The following KCNN3 variants were observed in gnomAD, a reference collection of about 807,000 sequenced individuals.
The protein encoded by KCNN3 is potassium calcium-activated channel subfamily N member 3.
KCNN3 carries 16 observed loss-of-function variants against 62.9 expected under a neutral mutation model. That is an observed-to-expected ratio of 0.25 (90% CI 0.17 to 0.39). The LOEUF is 0.39. Among genes scored for constraint, KCNN3 ranks in the 10% least tolerant of loss-of-function variants. The pLI, the probability that KCNN3 is intolerant of heterozygous loss-of-function variation, is 1.00. For missense variants in KCNN3, 599 were observed against 949.4 expected (o/e 0.63, Z 4.85); for synonymous variants, 370 against 389.2 (o/e 0.95, Z 0.58).
intron 2 of KCNN3, among the ~76,000 whole-genome samples, chr1:154,821,442 C>A (rs1016813001): frequency 2.6e-5 from 4 of 152,210 alleles, no homozygotes; most frequent in African/African-American, 9.6e-5. Context: ...CCTCCTGGCC[C>A]GGGTTGAACC....
chr1:154,761,167 A>G (rs908361726), intron 3 of KCNN3, among the ~76,000 whole-genome samples: 14 of 152,156 alleles, frequency 9.2e-5, no homozygotes, highest in African/African-American at 3.4e-4. Context: ...AATCACATGT[A>G]ACGTCATAAG....
At chr1:154,807,691 G>C (rs189184906) in intron 2 of KCNN3, among the ~76,000 whole-genome samples, 4 of 152,180 alleles carry the variant, frequency 2.6e-5, no homozygotes, top group Non-Finnish European at 5.9e-5. Context: ...AAAATCCTAA[G>C]GTTCTTGTGA....
Position 154,705,360 on chromosome 1 carries a change from T to TA in KCNN3, c.*2615dup, listed in dbSNP as rs1699947191. 6.6e-6 allele frequency: 1 copy of TA among 152,236 alleles called. No homozygotes were observed. The highest frequency in any genetic ancestry group is 6.5e-5 in the Admixed American group (1 of 15,286). The allele number at this position is 152,236 out of a possible 1,614,324, so 9.4% of individuals were successfully genotyped here. ...AGAGAAATAGCCTTCCATTTGCTAT[T>TA]ACAGGATCAATGTGCAGGTTTGATC... On this transcript the variant is annotated 3_prime_UTR_variant, in exon 8 of 8. Coordinates refer to ENST00000271915, the MANE Select transcript of KCNN3 (RefSeq NM_002249.6).
chr1:154,764,916 C>G (rs1210205267), intron 3 of KCNN3, among the ~76,000 whole-genome samples: 1 of 152,118 alleles, frequency 6.6e-6, no homozygotes, highest in Non-Finnish European at 1.5e-5. Context: ...CGAGTTCCCC[C>G]CAAAAGTAAA....
chr1:154,842,885 A>T lies in KCNN3; in HGVS notation c.934-20701T>A, dbSNP rs189453380. On this transcript the variant is annotated intron_variant, in intron 1 of 7. Transcript: ENST00000271915. Reference sequence around the variant, plus strand: ...GTCCGAAGACCTCACTTAGAGCCCCACTTTGCCACTTCCTCGCCATGTGAC... The same window carrying T: ...GTCCGAAGACCTCACTTAGAGCCCCTCTTTGCCACTTCCTCGCCATGTGAC... Among the ~76,000 whole-genome samples the T allele has an allele frequency of 2.0e-4, 30 of 152,278 alleles. No homozygotes were observed. In the East Asian group the frequency reaches 5.8e-3, roughly 29 times the overall value.
At chr1:154,753,423 A>G (rs1308117738) in intron 3 of KCNN3, among the ~76,000 whole-genome samples, 1 of 152,194 alleles carries the variant, frequency 6.6e-6, no homozygotes, top group Non-Finnish European at 1.5e-5. Context: ...CATGACCTCA[A>G]AGAAATTAGA....
At chr1:154,719,775 C>T (rs979157401) in intron 5 of KCNN3, among the ~76,000 whole-genome samples, 5 of 152,098 alleles carry the variant, frequency 3.3e-5, no homozygotes, top group African/African-American at 4.8e-5. Flanking sequence ...CTGGCTTCCC[C>T]GGCTGCCCTC....
At chr1:154,829,229 A>C (rs995269062) in intron 1 of KCNN3, among the ~76,000 whole-genome samples, 3 of 152,354 alleles carry the variant, frequency 2.0e-5, no homozygotes. Context: ...TGGAGGACAC[A>C]TCAGGCTGGG....
intron 4 of KCNN3, among the ~76,000 whole-genome samples, chr1:154,731,169 G>A (rs1391870924): frequency 6.6e-6 from 1 of 152,210 alleles, no homozygotes; most frequent in African/African-American, 2.4e-5. Flanking sequence ...AGCCCCAGGA[G>A]TGACTCTAAG....
chr1:154,732,574 T>G (rs749835167), intron 4 of KCNN3, among the ~76,000 whole-genome samples: 2 of 152,164 alleles, frequency 1.3e-5, no homozygotes, highest in Admixed American at 6.5e-5. Context: ...TTCTGTGAGT[T>G]CCAGCTAAAC....
intron 3 of KCNN3, among the ~76,000 whole-genome samples, chr1:154,751,057 C>T (rs7512246): frequency 0.86 from 131,607 of 152,224 alleles, 57,009 homozygotes; most frequent in East Asian, 1. Context: ...GCATCTGGTG[C>T]ACTTCTCACC....
chr1:154,711,321 C>T (rs555116806), intron 7 of KCNN3, among the ~76,000 whole-genome samples: 3 of 122,198 alleles, frequency 2.5e-5, no homozygotes, highest in African/African-American at 9.7e-5. Flanking sequence ...GGAAGGGGAA[C>T]ATCACACTCC....
chr1:154,706,432 C>T lies in KCNN3; in HGVS notation c.*1544G>A, dbSNP rs1699966825. 1 of 152,220 alleles carries T rather than the reference C, an allele frequency of 6.6e-6. No individual in the cohort carries two copies. Among genetic ancestry groups the T allele is most frequent in the Non-Finnish European group, 1.5e-5 (1 of 68,028 alleles). 9.4% of individuals were successfully genotyped at this position (152,220 alleles called of 1,614,324 possible). The stretch of plus-strand genomic sequence containing the variant: ...TCCCACAGGCAGAAACCAAAGACCT[C>T]AGAATGAGAAAGTCATGGTTTTCAC... On this transcript the variant is annotated 3_prime_UTR_variant, in exon 8 of 8. Transcript: ENST00000271915.
At chr1:154,753,315 C>T (rs952327317) in intron 3 of KCNN3, among the ~76,000 whole-genome samples, 1 of 152,152 alleles carries the variant, frequency 6.6e-6, no homozygotes, top group African/African-American at 2.4e-5. Flanking sequence ...GACAATGAGC[C>T]GCTTCTGCCT....
At chr1:154,806,246 T>G (rs1650169402) in intron 2 of KCNN3, among the ~76,000 whole-genome samples, 1 of 152,214 alleles carries the variant, frequency 6.6e-6, no homozygotes, top group Non-Finnish European at 1.5e-5. Context: ...TCTCAAGGTG[T>G]TGGGTACCCC....
At chr1:154,741,146 T>C (rs1700815044) in intron 3 of KCNN3, among the ~76,000 whole-genome samples, 1 of 152,228 alleles carries the variant, frequency 6.6e-6, no homozygotes, top group Non-Finnish European at 1.5e-5. Context: ...GAGGCAGGGA[T>C]ACAACTTCAT....
At chr1:154,746,872 A>C (rs956541886) in intron 3 of KCNN3, among the ~76,000 whole-genome samples, 2 of 152,244 alleles carry the variant, frequency 1.3e-5, no homozygotes, top group African/African-American at 4.8e-5. Flanking sequence ...GTCACCAGGC[A>C]GAATCCTGTG....
chr1:154,786,857 A>T (rs947252504), intron 2 of KCNN3, among the ~76,000 whole-genome samples: 1 of 152,256 alleles, frequency 6.6e-6, no homozygotes, highest in Non-Finnish European at 1.5e-5. Context: ...AAGAGCTGTC[A>T]TGGAGAAAGC....
intron 7 of KCNN3, among the ~76,000 whole-genome samples, chr1:154,712,238 T>C (rs1230370677): frequency 1.3e-5 from 2 of 152,094 alleles, no homozygotes; most frequent in Non-Finnish European, 2.9e-5. Flanking sequence ...TTAGAATAGA[T>C]TTCTCCATTT....
Sources: allele counts gnomAD v4.1 joint callset (sites outside exome capture counted in the v4.1 genomes callset), GRCh38; gene constraint gnomAD v4.1.1; transcripts MANE v1.5; gene names NCBI Gene and HGNC (gene_info 2026-07-23, HGNC 2026-07-21).